The following PCDHGA10 variants were observed in gnomAD, a reference collection of about 807,000 sequenced individuals.
PCDHGA10 encodes the protein protocadherin gamma-A10.
A neutral mutation model predicts 59.5 loss-of-function variants in PCDHGA10; 42 were observed. The ratio of observed to expected loss-of-function variants is 0.71; its 90% CI spans 0.55 to 0.91. The LOEUF (loss-of-function observed/expected upper bound fraction) is 0.91. PCDHGA10 is among the 40% of genes least tolerant of loss of function. The pLI is 0.00. For synonymous variants in PCDHGA10, 511 were observed against 517.2 expected (o/e 0.99, Z 0.16); for missense variants, 1,111 against 1,198.2 (o/e 0.93, Z 1.07).
intron 1 of PCDHGA10, chr5:141,471,227 T>C (rs2099253010): frequency 6.6e-6 from 1 of 151,604 alleles, no homozygotes; most frequent in Admixed American, 6.6e-5. Flanking sequence ...TTTTTTGTAT[T>C]TTTAGTAGAG....
chr5:141,413,638 C>T lies in PCDHGA10; in HGVS notation c.463C>T (p.Arg155Cys), dbSNP rs768604791. 4.8e-5 allele frequency: 78 copies of T among 1,613,686 alleles called. No homozygotes were observed. Among genetic ancestry groups the T allele is most frequent in the Middle Eastern group, 1.6e-4 (1 of 6,084 alleles). The change falls in exon 1 of 4, where the codon CGT becomes TGT. Residue 155 changes from arginine to cysteine, a missense_variant. By Grantham distance (180) the Arg-to-Cys change is radical (BLOSUM62 -3). Transcript: ENST00000398610. Reference protein sequence around the residue: ...KINENVAAGMRFPLPEAIDPD... With the variant: ...KINENVAAGMCFPLPEAIDPD... Reference sequence around the variant, plus strand: ...TAATGAAAATGTCGCTGCGGGAATGCGTTTTCCTCTCCCGGAAGCTATTGA... The same window carrying T: ...TAATGAAAATGTCGCTGCGGGAATGTGTTTTCCTCTCCCGGAAGCTATTGA...
intron 1 of PCDHGA10, among the ~76,000 whole-genome samples, chr5:141,453,067 C>T (rs1227122711): frequency 1.3e-5 from 2 of 152,024 alleles, no homozygotes; most frequent in Admixed American, 6.6e-5. Flanking sequence ...AGAGTTTTGC[C>T]ACACTCTGGT....
intron 1 of PCDHGA10, chr5:141,478,158 C>G: frequency 6.2e-7 from 1 of 1,614,054 alleles, no homozygotes; most frequent in Non-Finnish European, 8.5e-7. Flanking sequence ...CCCTCTGGCT[C>G]TGCCCCCCGG....
chr5:141,421,425 C>T, intron 1 of PCDHGA10: 1 of 1,614,100 alleles, frequency 6.2e-7, no homozygotes, highest in Non-Finnish European at 8.5e-7. Context: ...GCGGAGTCCG[C>T]ATCGTCTCCA....
Position 141,414,420 on chromosome 5 carries a change from C to G in PCDHGA10, c.1245C>G (p.Asp415Glu). The G allele has an allele frequency of 6.2e-7, 1 of 1,613,822 alleles. No homozygotes were observed. The highest frequency in any genetic ancestry group is 8.5e-7 in the Non-Finnish European group (1 of 1,179,804). Reference protein sequence around the residue: ...YYRLVIHRALDREQVSSYNIT... With the variant: ...YYRLVIHRALEREQVSSYNIT... ...GATTGGTGATACACAGAGCCCTTGACAGGGAACAGGTATCCTCTTACAATA... is the reference window on the plus strand; with the variant it reads ...GATTGGTGATACACAGAGCCCTTGAGAGGGAACAGGTATCCTCTTACAATA... The change falls in exon 1 of 4, where the codon GAC becomes GAG. Residue 415 changes from aspartate (D) to glutamate (E), a missense_variant. By Grantham distance (45) the Asp-to-Glu change is conservative. Coordinates refer to ENST00000398610, the MANE Select transcript of PCDHGA10 (RefSeq NM_018913.3).
At chr5:141,451,224 C>G (rs2098710956) in intron 1 of PCDHGA10, among the ~76,000 whole-genome samples, 1 of 152,170 alleles carries the variant, frequency 6.6e-6, no homozygotes, top group South Asian at 2.1e-4. Flanking sequence ...TTAAAAGAAG[C>G]ATTTATTATC....
rs1039645331 is a variant in PCDHGA10, at chr5:141,420,373, T to C, written c.2436+4762T>C. ...TTTAAGATTCTAGATAACTTCTTCA[T>C]AGAGTTCGCAAAATATAGGTCAAAT... is the stretch of plus-strand genomic sequence containing the variant. On this transcript the variant is annotated intron_variant, in intron 1 of 3. Coordinates refer to ENST00000398610, the MANE Select transcript of PCDHGA10 (RefSeq NM_018913.3). 21 of 1,337,592 alleles carry C rather than the reference T, an allele frequency of 1.6e-5. No homozygotes were observed. In the African/African-American group the frequency reaches 2.4e-4, roughly 15 times the overall value. The allele number at this position is 1,337,592 out of a possible 1,614,324, so 82.9% of individuals were successfully genotyped here. A position where few individuals can be genotyped will look rare whatever the true frequency, so the allele number is the denominator to read the frequency against.
intron 1 of PCDHGA10, among the ~76,000 whole-genome samples, chr5:141,450,363 T>C (rs2098678373): frequency 6.6e-6 from 1 of 152,162 alleles, no homozygotes; most frequent in Admixed American, 6.5e-5. Flanking sequence ...TTCCTCAGCC[T>C]TGTTTGTTTA....
Position 141,477,447 on chromosome 5 carries a change from G to T in PCDHGA10, c.2437-17360G>T, listed in dbSNP as rs779097830. The T allele has an allele frequency of 6.2e-7, 1 of 1,614,098 alleles. No homozygotes were observed. Among genetic ancestry groups the T allele is most frequent in the Non-Finnish European group, 8.5e-7 (1 of 1,180,016 alleles). ...TCCCTCTCAGCCCTTACAATAGTGCGTGTTCAAGTGTCCGACATCAATGAC... is the reference window on the plus strand; with the variant it reads ...TCCCTCTCAGCCCTTACAATAGTGCTTGTTCAAGTGTCCGACATCAATGAC... On this transcript the variant is annotated intron_variant, in intron 1 of 3. Coordinates refer to ENST00000398610, the MANE Select transcript of PCDHGA10 (RefSeq NM_018913.3). This position sits in a 1 kb window ranked among gnomAD's most constrained non-coding sequence, Gnocchi z 4.9.
intron 1 of PCDHGA10, among the ~76,000 whole-genome samples, chr5:141,475,007 G>A (rs1017671344): frequency 2.0e-5 from 3 of 152,178 alleles, no homozygotes; most frequent in East Asian, 1.9e-4. Flanking sequence ...ATGCAGAAAA[G>A]TTAAGGCTCT....
intron 1 of PCDHGA10, among the ~76,000 whole-genome samples, chr5:141,460,961 A>ATGTG (rs35821115): frequency 4.1e-5 from 6 of 144,616 alleles, no homozygotes; most frequent in South Asian, 2.2e-4. Context: ...GTATATATAT[A>ATGTG]TGTGTGTGTG....
At position 141,477,107 on chromosome 5, in the gene PCDHGA10, C is replaced by A. The variant is rs1431445150; in HGVS notation, c.2437-17700C>A. ...CCAGGCCAAAGACAAGGGCGCCAAT[C>A]CCGAAGGAGCACATTGCAAAGTGTT... On this transcript the variant is annotated intron_variant, in intron 1 of 3. Coordinates refer to ENST00000398610, the MANE Select transcript of PCDHGA10 (RefSeq NM_018913.3). This position sits in a 1 kb window ranked among gnomAD's most constrained non-coding sequence, Gnocchi z 4.9. 1 of 1,614,252 alleles carries A rather than the reference C, an allele frequency of 6.2e-7. No homozygotes were observed. The highest frequency in any genetic ancestry group is 8.5e-7 in the Non-Finnish European group (1 of 1,180,048).
intron 2 of PCDHGA10, 105 bp downstream of exon 2, chr5:141,494,970 C>T (rs1352514628): frequency 1.9e-6 from 3 of 1,584,974 alleles, no homozygotes; most frequent in East Asian, 4.6e-5. Context: ...GATGGCTTCT[C>T]CCTCAGTTTG....
At chr5:141,500,256 T>C (rs1045685908) in intron 2 of PCDHGA10, among the ~76,000 whole-genome samples, 1 of 151,676 alleles carries the variant, frequency 6.6e-6, no homozygotes, top group Non-Finnish European at 1.5e-5. Flanking sequence ...TCACCCAGGC[T>C]GGACTGCAGT....
At chr5:141,433,343 G>A (rs1591274674) in intron 1 of PCDHGA10, 1 of 630,308 alleles carries the variant, frequency 1.6e-6, no homozygotes, top group Admixed American at 3.0e-5. Flanking sequence ...ACAGGTGCAA[G>A]CCACCTACTG....
intron 1 of PCDHGA10, chr5:141,423,157 G>T: frequency 1.9e-6 from 3 of 1,610,820 alleles, no homozygotes; most frequent in East Asian, 2.2e-5. Context: ...GCAGAGCCTC[G>T]TGGTGGCCGT....
In PCDHGA10 at chr5:141,413,989, G is replaced by C; in HGVS notation, c.814G>C (p.Asp272His). The C allele has an allele frequency of 6.2e-7, 1 of 1,613,400 alleles. No individual in the cohort carries two copies. Among genetic ancestry groups the C allele is most frequent in the East Asian group, 2.2e-5 (1 of 44,846 alleles). The change falls in exon 1 of 4, where the codon GAC becomes CAC. Residue 272 changes from aspartate (D) to histidine (H), a missense_variant. Asp to His is a moderately conservative substitution (Grantham distance 81, BLOSUM62 -1). Coordinates refer to ENST00000398610, the MANE Select transcript of PCDHGA10 (RefSeq NM_018913.3). ...GTQLLTVTAT[D>H]RDEGANGEVT... The stretch of plus-strand genomic sequence containing the variant: ...TCAGCTGCTGACAGTCACAGCCACC[G>C]ACAGGGACGAAGGTGCCAATGGAGA...
rs1356739313 is a variant in PCDHGA10, at chr5:141,490,444, A to T, written c.2437-4363A>T. The T allele has an allele frequency of 6.2e-7, 1 of 1,614,194 alleles. No individual in the cohort carries two copies. Among genetic ancestry groups the T allele is most frequent in the Non-Finnish European group, 8.5e-7 (1 of 1,180,034 alleles). On this transcript the variant is annotated intron_variant, in intron 1 of 3. Transcript: ENST00000398610. The surrounding 1 kb of genome is among the most constrained non-coding windows in gnomAD (Gnocchi z 5.4). ...GCCATTTCAGATTAAGCCTTCTGAG[A>T]ACCACTACTCGCTGCTAACCAGCCA...
intron 1 of PCDHGA10, chr5:141,430,441 C>A (rs1168234012): frequency 5.2e-6 from 1 of 192,346 alleles, no homozygotes; most frequent in Non-Finnish European, 1.0e-5. Flanking sequence ...GATTTCCATC[C>A]CCTTTTGAAG....
Sources: gnomAD v4.1 joint callset for allele counts (sites outside exome capture counted in the v4.1 genomes callset) on GRCh38, gnomAD v4.1.1 for gene constraint, Gnocchi (gnomAD v3.1) non-coding constraint, MANE v1.5 for transcripts, NCBI Gene and HGNC (gene_info 2026-07-23, HGNC 2026-07-21) for gene names.